ZNF423: variants seen among roughly 807,000 people sequenced by gnomAD.
ZNF423 encodes the protein Ebf-associated zinc finger protein.
A neutral mutation model predicts 95.8 loss-of-function variants in ZNF423; 12 were observed. The ratio of observed to expected loss-of-function variants is 0.13; its 90% confidence interval spans 0.08 to 0.20. The LOEUF (loss-of-function observed/expected upper bound fraction) is 0.20, where lower values mean the gene tolerates loss of function less well. Among genes scored for constraint, ZNF423 ranks in the 10% least tolerant of loss-of-function variants. ZNF423 has a pLI of 1.00. For missense variants in ZNF423, 1,316 were observed against 1,737.1 expected (o/e 0.76, Z 4.31); for synonymous variants, 749 against 711.9 (o/e 1.05, Z -0.83).
At chr16:49,517,790 CGTT>C (rs1410701024) in intron 7 of ZNF423, 2 of 354,574 alleles carry the variant, frequency 5.6e-6, no homozygotes, top group East Asian at 7.7e-5. Flanking sequence ...CTCTGTGACT[CGTT>C]GTTGTTCCTG....
intron 5 of ZNF423, among the ~76,000 whole-genome samples, chr16:49,565,776 C>T (rs949514340): frequency 1.6e-4 from 25 of 152,202 alleles, no homozygotes; most frequent in African/African-American, 6.0e-4. Flanking sequence ...CAGCCAGTAC[C>T]CTTCAGGCAT....
chr16:49,572,747 G>A (rs915746006), intron 5 of ZNF423, among the ~76,000 whole-genome samples: 7 of 152,112 alleles, frequency 4.6e-5, no homozygotes, highest in African/African-American at 1.4e-4. Context: ...AGGTGGTGGT[G>A]CTACAAAGGA....
In ZNF423 at chr16:49,855,925, C is replaced by G. The variant is rs1693875858; in HGVS notation, c.-151G>C. The G allele has an allele frequency of 6.6e-6, 1 of 150,580 alleles. No homozygotes were observed. The highest frequency in any genetic ancestry group is 2.1e-4 in the South Asian group (1 of 4,794). 9.3% of individuals were successfully genotyped at this position (150,580 alleles called of 1,614,324 possible). ...CGGTTGGCGGCTGTGGGGAGCGGAC[C>G]GCAGGTCCGGGGCGGCCTCCCTTGG... On this transcript the variant is annotated 5_prime_UTR_variant, in exon 1 of 8. Transcript: ENST00000563137. The surrounding 1 kb of genome is among the most constrained non-coding windows in gnomAD (Gnocchi z 4.7).
chr16:49,702,608 C>A lies in ZNF423; in HGVS notation c.301+28163G>T, dbSNP rs187531663. On this transcript the variant is annotated intron_variant, in intron 3 of 7. Coordinates refer to ENST00000563137, the MANE Select transcript of ZNF423 (RefSeq NM_001379286.1). ...CAGCCCTCAAGGAGAGGCTGGATGG[C>A]GGGAGGGGGTCAGAACAAGGGGCAC... Among the ~76,000 whole-genome samples, 45 of 152,224 alleles carry A rather than the reference C, an allele frequency of 3.0e-4. No individual in the cohort carries two copies. The East Asian group carries it at 8.3e-3, about 28-fold the overall frequency.
chr16:49,667,896 A>G (rs1235766305), intron 3 of ZNF423, among the ~76,000 whole-genome samples: 2 of 152,106 alleles, frequency 1.3e-5, no homozygotes, highest in Non-Finnish European at 2.9e-5. Context: ...AAAAATAATA[A>G]TGATAATAAA....
At chr16:49,665,228 C>A (rs1243781929) in intron 3 of ZNF423, among the ~76,000 whole-genome samples, 1 of 152,234 alleles carries the variant, frequency 6.6e-6, no homozygotes, top group Non-Finnish European at 1.5e-5. Context: ...ATAGATGTCA[C>A]CCACACATCC....
chr16:49,792,669 C>A (rs573434123), intron 1 of ZNF423, among the ~76,000 whole-genome samples: 4 of 152,178 alleles, frequency 2.6e-5, no homozygotes, highest in African/African-American at 9.6e-5. Flanking sequence ...TCCTCTAGCC[C>A]ATATTCTGTT....
chr16:49,578,419 C>T (rs1005564295), intron 5 of ZNF423, among the ~76,000 whole-genome samples: 1 of 151,996 alleles, frequency 6.6e-6, no homozygotes, highest in Non-Finnish European at 1.5e-5. Context: ...AAACCGAGGG[C>T]TTTGGGGTTT....
chr16:49,580,717 T>C (rs746733977), intron 5 of ZNF423, among the ~76,000 whole-genome samples: 1 of 152,192 alleles, frequency 6.6e-6, no homozygotes, highest in Non-Finnish European at 1.5e-5. Context: ...GCAAATGTTA[T>C]ACAATGCCCC....
intron 3 of ZNF423, among the ~76,000 whole-genome samples, chr16:49,683,681 A>G (rs538732279): frequency 1.6e-4 from 24 of 152,318 alleles, no homozygotes; most frequent in African/African-American, 5.3e-4. Flanking sequence ...GCCTGGTCCG[A>G]TGCTCAACAC....
chr16:49,664,007 C>T (rs982923331), intron 3 of ZNF423: 23 of 945,388 alleles, frequency 2.4e-5, no homozygotes, highest in Admixed American at 1.8e-4. Flanking sequence ...CTCGGCGTTC[C>T]GGTGCAGACA....
At chr16:49,651,525 C>T (rs913872301) in intron 3 of ZNF423, among the ~76,000 whole-genome samples, 1 of 152,112 alleles carries the variant, frequency 6.6e-6, no homozygotes, top group African/African-American at 2.4e-5. Context: ...GGCTGAGAGC[C>T]GGCAGCAGGG....
intron 1 of ZNF423, among the ~76,000 whole-genome samples, chr16:49,838,574 C>T (rs559627900): frequency 2.0e-5 from 3 of 152,282 alleles, no homozygotes; most frequent in East Asian, 3.9e-4. Flanking sequence ...CCCCAGGGCT[C>T]CCGAGGCGCA....
intron 2 of ZNF423, among the ~76,000 whole-genome samples, chr16:49,786,967 A>C (rs1449609076): frequency 6.6e-6 from 1 of 152,224 alleles, no homozygotes; most frequent in Admixed American, 6.5e-5. Flanking sequence ...TGTCAACCAG[A>C]TGGCTGTCCC....
At chr16:49,538,236 G>A (rs970661650) in intron 5 of ZNF423, among the ~76,000 whole-genome samples, 4 of 152,216 alleles carry the variant, frequency 2.6e-5, no homozygotes, top group African/African-American at 9.6e-5. Context: ...ACTCTCCAGC[G>A]AGGTGCAGCG....
At chr16:49,724,183 T>C (rs8054284) in intron 3 of ZNF423, among the ~76,000 whole-genome samples, 25,802 of 152,126 alleles carry the variant, frequency 0.17, 3,473 homozygotes, top group African/African-American at 0.35. Context: ...CCCACCATAA[T>C]TGATTTTGTT....
chr16:49,663,912 G>GA (rs928122122), intron 3 of ZNF423, among the ~76,000 whole-genome samples: 11 of 152,058 alleles, frequency 7.2e-5, no homozygotes, highest in African/African-American at 2.2e-4. Context: ...TCTCATTCCA[G>GA]AAAAAAACGT....
At chr16:49,765,737 G>A (rs1354065773) in intron 2 of ZNF423, among the ~76,000 whole-genome samples, 1 of 152,044 alleles carries the variant, frequency 6.6e-6, no homozygotes, top group Non-Finnish European at 1.5e-5. Flanking sequence ...AAAAAAATAA[G>A]TCAAAGAAAA....
rs540271899 is a variant in ZNF423, at chr16:49,492,090, G to A, written c.3850-786C>T. Among the ~76,000 whole-genome samples the A allele has an allele frequency of 2.4e-4, 37 of 152,342 alleles. No individual in the cohort carries two copies. Among genetic ancestry groups the A allele is most frequent in the Admixed American group, 2.2e-3 (34 of 15,310 alleles). ...TTCCTCCCCCTGCCAGCCAGAGGGGGCCAGCAGGGTTGATCTGTTTCACAG... is the reference window on the plus strand; with the variant it reads ...TTCCTCCCCCTGCCAGCCAGAGGGGACCAGCAGGGTTGATCTGTTTCACAG... On this transcript the variant is annotated intron_variant, in intron 7 of 7. Coordinates refer to ENST00000563137, the MANE Select transcript of ZNF423 (RefSeq NM_001379286.1). This position sits in a 1 kb window ranked among gnomAD's most constrained non-coding sequence, Gnocchi z 4.2.
Sources: gnomAD v4.1 joint callset for allele counts (sites outside exome capture counted in the v4.1 genomes callset) on GRCh38, gnomAD v4.1.1 for gene constraint, Gnocchi (gnomAD v3.1) non-coding constraint, MANE v1.5 for transcripts, NCBI Gene and HGNC (gene_info 2026-07-23, HGNC 2026-07-21) for gene names.